The following CDH13 variants were observed in gnomAD, a reference collection of about 807,000 sequenced individuals.
CDH13 encodes cadherin-13.
In CDH13, 24 loss-of-function variants were observed where a neutral mutation model predicts 63.8. That is an observed-to-expected ratio of 0.38 (90% CI 0.27 to 0.53). The LOEUF (loss-of-function observed/expected upper bound fraction) is 0.53. Ranked by LOEUF, CDH13 falls within the 20% of genes least tolerant of loss-of-function variation. CDH13 has a pLI of 0.85. For synonymous variants in CDH13, 503 were observed against 355.3 expected (o/e 1.42, Z -4.67); for missense variants, 1,049 against 903.1 (o/e 1.16, Z -2.07).
intron 5 of CDH13, among the ~76,000 whole-genome samples, chr16:83,258,797 C>T (rs1366816347): frequency 6.6e-6 from 1 of 152,204 alleles, no homozygotes; most frequent in African/African-American, 2.4e-5. Context: ...GCACAGAGCA[C>T]ATCGTGACGC....
intron 2 of CDH13, chr16:82,884,567 T>C (rs538179934): frequency 1.0e-5 from 2 of 194,654 alleles, no homozygotes; most frequent in Admixed American, 1.1e-4. Context: ...GTGTCCCCTG[T>C]AGGTGTTTGA....
intron 2 of CDH13, among the ~76,000 whole-genome samples, chr16:82,952,513 C>T (rs1019140284): frequency 4.6e-5 from 7 of 152,178 alleles, no homozygotes; most frequent in African/African-American, 1.4e-4. Flanking sequence ...ATAGGAGAAA[C>T]AGTGCTTGTT....
chr16:83,506,305 C>T (rs1206181155), intron 7 of CDH13, among the ~76,000 whole-genome samples: 2 of 152,134 alleles, frequency 1.3e-5, no homozygotes, highest in Non-Finnish European at 2.9e-5. Context: ...TGGGGCAGTT[C>T]CTGGGAAAGG....
Position 83,344,903 on chromosome 16 carries a change from G to C in CDH13, c.678G>C (p.Glu226Asp). Residue 226 changes from glutamate to aspartate, a missense_variant, in exon 6 of 14, where the codon GAG (glutamate) becomes GAC (aspartate). By Grantham distance (45) the Glu-to-Asp change is conservative. Transcript: ENST00000567109. Reference sequence around the variant, plus strand: ...CTGATGTCAATGGCAAAACTCTCGAGGGGCCGGTGCCTCTGGAAGTCATTG... The same window carrying C: ...CTGATGTCAATGGCAAAACTCTCGACGGGCCGGTGCCTCTGGAAGTCATTG... The part of the protein sequence containing the change: ...ETTDVNGKTL[E>D]GPVPLEVIVI... The C allele has an allele frequency of 6.2e-7, 1 of 1,613,984 alleles. No homozygotes were observed. The highest frequency in any genetic ancestry group is 1.1e-5 in the South Asian group (1 of 91,088).
chr16:83,634,127 G>GTA (rs1354049837), intron 8 of CDH13, among the ~76,000 whole-genome samples: 1 of 107,456 alleles, frequency 9.3e-6, no homozygotes, highest in African/African-American at 3.6e-5. Flanking sequence ...CTGTGTGTGT[G>GTA]TGTGTGTATG....
At chr16:83,721,747 G>A (rs1567549564) in intron 10 of CDH13, 1 of 152,292 alleles carries the variant, frequency 6.6e-6, no homozygotes, top group African/African-American at 2.4e-5. Context: ...AAGCTCCAGG[G>A]AGGAAGAGAC....
At chr16:83,036,320 T>G (rs1417906942) in intron 3 of CDH13, among the ~76,000 whole-genome samples, 1 of 151,956 alleles carries the variant, frequency 6.6e-6, no homozygotes, top group Non-Finnish European at 1.5e-5. Flanking sequence ...TGGCTACTTT[T>G]TGTATCTTTA....
At chr16:83,107,026 A>C (rs561357184) in intron 3 of CDH13, among the ~76,000 whole-genome samples, 2 of 152,264 alleles carry the variant, frequency 1.3e-5, no homozygotes, top group East Asian at 3.9e-4. Context: ...CCACACACAG[A>C]CAGACAGACA....
intron 7 of CDH13, among the ~76,000 whole-genome samples, chr16:83,556,531 C>G (rs1482750631): frequency 6.6e-6 from 1 of 152,130 alleles, no homozygotes; most frequent in African/African-American, 2.4e-5. Context: ...GAAATTGAAC[C>G]TCGGAGGGGT....
At chr16:82,936,778 G>A (rs796674923) in intron 2 of CDH13, among the ~76,000 whole-genome samples, 18 of 152,290 alleles carry the variant, frequency 1.2e-4, no homozygotes, top group African/African-American at 4.1e-4. Context: ...TGAGTGCATT[G>A]CCCACACAAC....
At chr16:83,388,208 C>G (rs894326944) in intron 6 of CDH13, among the ~76,000 whole-genome samples, 1 of 150,406 alleles carries the variant, frequency 6.6e-6, no homozygotes, top group Non-Finnish European at 1.5e-5. Flanking sequence ...GATCTCAGCA[C>G]TTTGGGAGGC....
chr16:83,336,665 G>T (rs182388696), intron 5 of CDH13, among the ~76,000 whole-genome samples: 4 of 152,262 alleles, frequency 2.6e-5, no homozygotes, highest in Admixed American at 2.0e-4. Flanking sequence ...GTGTGTGTCT[G>T]TGTTTTGCTT....
chr16:83,359,231 C>G (rs1156798017), intron 6 of CDH13, among the ~76,000 whole-genome samples: 2 of 152,106 alleles, frequency 1.3e-5, no homozygotes, highest in Non-Finnish European at 2.9e-5. Flanking sequence ...AGCTATGTTT[C>G]CACTGTGATT....
chr16:83,206,245 C>A (rs550168954), intron 4 of CDH13, among the ~76,000 whole-genome samples: 2 of 152,190 alleles, frequency 1.3e-5, no homozygotes, highest in African/African-American at 4.8e-5. Flanking sequence ...CTACGAAGCC[C>A]TCTGGCCGTG....
At chr16:83,657,508 CAGCCAACCAGT>C (rs1253501440) in intron 8 of CDH13, among the ~76,000 whole-genome samples, 3 of 152,320 alleles carry the variant, frequency 2.0e-5, no homozygotes, top group Non-Finnish European at 4.4e-5. Context: ...CTCAGGATGA[CAGCCAACCAGT>C]AGCTCCAAAG....
At chr16:82,963,825 C>A (rs1471550180) in intron 2 of CDH13, among the ~76,000 whole-genome samples, 9 of 152,166 alleles carry the variant, frequency 5.9e-5, no homozygotes. Flanking sequence ...ATTTTCCTGC[C>A]TGACTTCTGA....
chr16:82,767,848 A>T (rs1160663545), intron 1 of CDH13, among the ~76,000 whole-genome samples: 2 of 152,198 alleles, frequency 1.3e-5, no homozygotes, highest in South Asian at 4.1e-4. Flanking sequence ...GAGCACTGGC[A>T]CTGAGGGTCC....
intron 6 of CDH13, among the ~76,000 whole-genome samples, chr16:83,478,159 C>CAAAA (rs1215717989): frequency 9.3e-4 from 125 of 134,304 alleles, no homozygotes; most frequent in African/African-American, 2.1e-3. Flanking sequence ...GACTCCGTCT[C>CAAAA]AAAAAAAAAA....
chr16:82,639,947 C>G (rs1403724385), intron 1 of CDH13, among the ~76,000 whole-genome samples: 2 of 152,216 alleles, frequency 1.3e-5, no homozygotes, highest in Non-Finnish European at 2.9e-5. Flanking sequence ...ATTTGGTTAA[C>G]TCATTCACTT....
Sources: allele counts gnomAD v4.1 joint callset (sites outside exome capture counted in the v4.1 genomes callset), GRCh38; gene constraint gnomAD v4.1.1; transcripts MANE v1.5; gene names NCBI Gene and HGNC (gene_info 2026-07-23, HGNC 2026-07-21).